NBAS: variants seen among roughly 807,000 people sequenced by gnomAD.
The protein encoded by NBAS is NAG/BC035112 fusion.
Under a neutral mutation model 302.5 loss-of-function variants are expected in NBAS, and 219 were observed. That is an observed-to-expected ratio of 0.72 (90% CI 0.65 to 0.81). The LOEUF (loss-of-function observed/expected upper bound fraction) is 0.81, where lower values mean the gene tolerates loss of function less well. Ranked by LOEUF, NBAS falls within the 30% of genes least tolerant of loss-of-function variation. The pLI, the probability that NBAS is intolerant of heterozygous loss-of-function variation, is 0.00. For synonymous variants in NBAS, 1,118 were observed against 1,021.6 expected, an observed-to-expected ratio of 1.09 and a Z score of -1.80; for missense variants, 2,932 against 2,841.6, an observed-to-expected ratio of 1.03 and a Z score of -0.72.
In NBAS at chr2:15,424,363, C is replaced by T. The variant is rs1255010413; in HGVS notation, c.2529G>A (p.Met843Ile). The T allele has an allele frequency of 2.5e-6, 4 of 1,614,092 alleles. No individual in the cohort carries two copies. The Admixed American group carries it at 5.0e-5, about 20-fold the overall frequency. ...RMTQLTVEKVMDWYQTRAEEI... is the reference protein window; with the variant it reads ...RMTQLTVEKVIDWYQTRAEEI... ...CCTCTGCTCTGGTCTGATACCAGTC[C>T]ATAACCTTCTCCACCGTAAGCTGGG... Residue 843 changes from methionine (M) to isoleucine (I), a missense_variant, in exon 23 of 52, where the codon ATG (methionine) becomes ATA (isoleucine). Transcript: ENST00000281513.
the NBAS span, among the ~76,000 whole-genome samples, chr2:15,068,237 C>T: frequency 1.3e-5 from 2 of 152,312 alleles, no homozygotes; most frequent in East Asian, 3.9e-4. Flanking sequence ...CATCTACTTA[C>T]CTAGTCCTAC....
the NBAS span, among the ~76,000 whole-genome samples, chr2:14,956,913 A>G: frequency 5.3e-5 from 8 of 152,220 alleles, no homozygotes; most frequent in African/African-American, 1.7e-4. Context: ...CAAATTCAAC[A>G]TATGCAAAGT....
At chr2:14,983,723 G>A in the NBAS span, among the ~76,000 whole-genome samples, 1 of 152,134 alleles carries the variant, frequency 6.6e-6, no homozygotes, top group Admixed American at 6.5e-5. Flanking sequence ...CCATCTTCAG[G>A]GAAAGGGATA....
At chr2:15,061,751 C>T in the NBAS span, among the ~76,000 whole-genome samples, 4 of 152,226 alleles carry the variant, frequency 2.6e-5, no homozygotes, top group African/African-American at 7.2e-5. Context: ...TCCAGAAAGA[C>T]ACCATGTCAG....
the NBAS span, among the ~76,000 whole-genome samples, chr2:15,047,461 C>T: frequency 6.6e-6 from 1 of 151,776 alleles, no homozygotes; most frequent in Non-Finnish European, 1.5e-5. Flanking sequence ...AGGCTGGGCC[C>T]ATGCAGGTAA....
the NBAS span, among the ~76,000 whole-genome samples, chr2:15,061,003 T>A: frequency 6.6e-6 from 1 of 152,060 alleles, no homozygotes; most frequent in Non-Finnish European, 1.5e-5. Context: ...GTAAAAAAAA[T>A]TACAATGTTT....
At chr2:14,807,753 T>G in the NBAS span, among the ~76,000 whole-genome samples, 1 of 152,210 alleles carries the variant, frequency 6.6e-6, no homozygotes, top group Non-Finnish European at 1.5e-5. Context: ...GTTCTGCCAT[T>G]CAATACCTAC....
intron 38 of NBAS, among the ~76,000 whole-genome samples, chr2:15,312,792 G>T (rs1165378429): frequency 1.3e-5 from 2 of 152,058 alleles, no homozygotes; most frequent in Non-Finnish European, 2.9e-5. Context: ...AGTCATCTTG[G>T]ACTTCATCCT....
chr2:15,430,056 A>T (rs941427894), intron 21 of NBAS, among the ~76,000 whole-genome samples: 18 of 152,180 alleles, frequency 1.2e-4, no homozygotes, highest in Non-Finnish European at 2.1e-4. Flanking sequence ...ATTAAAACAG[A>T]CATGGCTCCT....
intron 38 of NBAS, among the ~76,000 whole-genome samples, chr2:15,324,523 C>T (rs527767695): frequency 3.3e-5 from 5 of 152,266 alleles, no homozygotes; most frequent in African/African-American, 4.8e-5. Context: ...AGTCAAATAT[C>T]GGCTGCTTCA....
At chr2:14,929,186 T>G in the NBAS span, among the ~76,000 whole-genome samples, 1 of 152,164 alleles carries the variant, frequency 6.6e-6, no homozygotes, top group Non-Finnish European at 1.5e-5. Flanking sequence ...CTGAGGATGT[T>G]TCTGAAGAGG....
chr2:14,799,244 C>A, the NBAS span, among the ~76,000 whole-genome samples: 7 of 152,020 alleles, frequency 4.6e-5, no homozygotes, highest in African/African-American at 1.7e-4. Context: ...GTATCAATCA[C>A]AAATTTTGAC....
chr2:15,205,518 T>C (rs1666098173), intron 48 of NBAS, among the ~76,000 whole-genome samples: 1 of 150,458 alleles, frequency 6.6e-6, no homozygotes, highest in African/African-American at 2.4e-5. Context: ...GCCAGAAACA[T>C]GCTTCACCTA....
the NBAS span, among the ~76,000 whole-genome samples, chr2:15,009,693 C>CATATATATATATATATAT: frequency 3.9e-3 from 491 of 126,474 alleles, 3 homozygotes; most frequent in Middle Eastern, 8.5e-3. Flanking sequence ...TGTAGGAATG[C>CATATATATATATATATAT]ATATATATAT....
chr2:15,010,622 C>T, the NBAS span, among the ~76,000 whole-genome samples: 3 of 152,192 alleles, frequency 2.0e-5, no homozygotes, highest in African/African-American at 7.2e-5. Context: ...TTCCCAGTAA[C>T]CATGTGAATC....
intron 47 of NBAS, among the ~76,000 whole-genome samples, chr2:15,231,384 G>T (rs1188308949): frequency 6.6e-6 from 1 of 152,136 alleles, no homozygotes; most frequent in Non-Finnish European, 1.5e-5. Flanking sequence ...ACAAAGCCAT[G>T]CAGGGAAATA....
the NBAS span, among the ~76,000 whole-genome samples, chr2:15,106,051 T>C: frequency 6.6e-6 from 1 of 152,266 alleles, no homozygotes; most frequent in Non-Finnish European, 1.5e-5. Context: ...TATTAAAAGT[T>C]AAATCAGTCG....
chr2:15,238,551 T>C lies in NBAS; in HGVS notation c.5860A>G (p.Thr1954Ala). ...AGTGATTTCTCCAGATGATTCAAAG[T>C]ATCTGCATAGGTAACTTTAGAATCC... ...AKDSKVTYAD[T>A]LNHLEKSLAH... Residue 1954 changes from threonine to alanine, a missense_variant, in exon 45 of 52, where the codon ACT becomes GCT. By Grantham distance (58) the Thr-to-Ala change is moderately conservative (BLOSUM62 0). Transcript: ENST00000281513. 1 of 1,614,198 alleles carries C rather than the reference T, an allele frequency of 6.2e-7. No individual in the cohort carries two copies. The highest frequency in any genetic ancestry group is 1.1e-5 in the South Asian group (1 of 91,080).
intron 32 of NBAS, among the ~76,000 whole-genome samples, chr2:15,358,332 G>A (rs557686739): frequency 8.5e-5 from 13 of 152,126 alleles, no homozygotes; most frequent in African/African-American, 2.9e-4. Flanking sequence ...TCTCCCATGT[G>A]CTTGAGCCCA....
Sources: allele counts gnomAD v4.1 joint callset (sites outside exome capture counted in the v4.1 genomes callset), GRCh38; gene constraint gnomAD v4.1.1; transcripts MANE v1.5; gene names NCBI Gene and HGNC (gene_info 2026-07-23, HGNC 2026-07-21).